ROR1: variants seen among roughly 807,000 people sequenced by gnomAD.
ROR1 encodes the protein ROR family WNT receptor 1.
Under a neutral mutation model 78.8 loss-of-function variants are expected in ROR1, and 19 were observed. The observed-to-expected ratio is 0.24, with a 90% CI of 0.17 to 0.35. The LOEUF (loss-of-function observed/expected upper bound fraction) is 0.35, where lower values mean the gene tolerates loss of function less well. ROR1 is among the 10% of genes least tolerant of loss of function. ROR1 has a pLI of 1.00. For synonymous variants in ROR1, 386 were observed against 433.6 expected (o/e 0.89, Z 1.36); for missense variants, 917 against 1,177.8 (o/e 0.78, Z 3.24).
At chr1:63,806,029 T>A (rs903680268) in intron 1 of ROR1, among the ~76,000 whole-genome samples, 2 of 152,158 alleles carry the variant, frequency 1.3e-5, no homozygotes, top group African/African-American at 2.4e-5. Context: ...AAAAAATAAA[T>A]AAAAATGCTC....
chr1:64,137,205 A>T (rs182339636), intron 4 of ROR1, among the ~76,000 whole-genome samples, 164 bp from the exon 5 acceptor site: 4 of 152,322 alleles, frequency 2.6e-5, no homozygotes, highest in Admixed American at 2.6e-4. Context: ...TGACCAACAG[A>T]TGTTTTAAGA....
At position 63,920,506 on chromosome 1, in the gene ROR1, C is replaced by T. The variant is rs141687847; in HGVS notation, c.92-88799C>T. Among the ~76,000 whole-genome samples the T allele has an allele frequency of 2.4e-3, 363 of 152,262 alleles. 1 individual carries two copies. The highest frequency in any genetic ancestry group is 8.2e-3 in the African/African-American group (342 of 41,548). On this transcript the variant is annotated intron_variant, in intron 1 of 8. Coordinates refer to ENST00000371079, the MANE Select transcript of ROR1 (RefSeq NM_005012.4). ...TTTGAAACAGAAGTGTCTGTCTGACCGGATTCAGGAGGCCTGTCCATCACG... is the reference window on the plus strand; with the variant it reads ...TTTGAAACAGAAGTGTCTGTCTGACTGGATTCAGGAGGCCTGTCCATCACG...
chr1:63,906,729 C>T (rs1354293724), intron 1 of ROR1, among the ~76,000 whole-genome samples: 1 of 152,196 alleles, frequency 6.6e-6, no homozygotes, highest in East Asian at 1.9e-4. Flanking sequence ...TCAAACAATG[C>T]TTTTTACAGA....
At position 63,964,886 on chromosome 1, in the gene ROR1, T is replaced by C. The variant is rs144769919; in HGVS notation, c.92-44419T>C. On this transcript the variant is annotated intron_variant, in intron 1 of 8. Coordinates refer to ENST00000371079, the MANE Select transcript of ROR1 (RefSeq NM_005012.4). ...GAAGCTTCAGCAACTTTTTGAGAAC[T>C]GAGGATGAGTTTCTAAGCTGGGCCT... is the stretch of plus-strand genomic sequence containing the variant. 5.5e-3 allele frequency among the ~76,000 whole-genome samples: 841 copies of C among 152,336 alleles called. 11 individuals carry two copies. The highest frequency in any genetic ancestry group is 6.8e-3 in the Middle Eastern group (2 of 294).
chr1:63,852,091 G>A (rs1470134755), intron 1 of ROR1, among the ~76,000 whole-genome samples: 2 of 152,198 alleles, frequency 1.3e-5, no homozygotes, highest in Admixed American at 6.5e-5. Context: ...TAATCATAAT[G>A]CCTACAATAT....
intron 1 of ROR1, among the ~76,000 whole-genome samples, chr1:63,959,335 G>T (rs1433676236): frequency 6.6e-6 from 1 of 152,070 alleles, no homozygotes; most frequent in Non-Finnish European, 1.5e-5. Context: ...ATTTGGGTGG[G>T]GACACAGCCA....
At chr1:64,177,316 A>G in intron 8 of ROR1, 112 bp from the exon 9 acceptor site, 2 of 801,358 alleles carry the variant, frequency 2.5e-6, no homozygotes, top group Non-Finnish European at 4.1e-6. Context: ...ACAATATTTT[A>G]TTGAATTTGT....
Position 63,774,443 on chromosome 1 carries a change from C to G in ROR1, c.26C>G (p.Thr9Arg). 9.4e-6 allele frequency: 11 copies of G among 1,175,276 alleles called. No individual in the cohort carries two copies. Among genetic ancestry groups the G allele is most frequent in the Middle Eastern group, 3.5e-4 (1 of 2,850 alleles). 72.8% of individuals were successfully genotyped at this position (1,175,276 alleles called of 1,614,324 possible). ...ATGCACCGGCCGCGCCGCCGCGGGACGCGCCCGCCGCTCCTGGCGCTGCTG... is the reference window on the plus strand; with the variant it reads ...ATGCACCGGCCGCGCCGCCGCGGGAGGCGCCCGCCGCTCCTGGCGCTGCTG... The part of the protein sequence containing the change: MHRPRRRG[T>R]RPPLLALLAA... The change falls in exon 1 of 9, where the codon ACG (threonine) becomes AGG (arginine). Residue 9 changes from threonine to arginine, a missense_variant. Thr to Arg is a moderately conservative substitution (Grantham distance 71, BLOSUM62 -1). Coordinates refer to ENST00000371079, the MANE Select transcript of ROR1 (RefSeq NM_005012.4). The surrounding 1 kb of genome is among the most constrained non-coding windows in gnomAD (Gnocchi z 5.7).
At chr1:63,984,402 T>C (rs2100512973) in intron 1 of ROR1, among the ~76,000 whole-genome samples, 1 of 152,292 alleles carries the variant, frequency 6.6e-6, no homozygotes, top group Non-Finnish European at 1.5e-5. Flanking sequence ...GCCATTCACA[T>C]TTAAAGCTTG....
chr1:63,940,490 T>TAGACAGACAGACAGACAGAC (rs67116114), intron 1 of ROR1, among the ~76,000 whole-genome samples: 2 of 91,488 alleles, frequency 2.2e-5, no homozygotes, highest in African/African-American at 6.8e-5. Flanking sequence ...GACAGATAGA[T>TAGACAGACAGACAGACAGAC]AGACAGACAG....
chr1:64,064,826 C>T (rs1646944064), intron 4 of ROR1, among the ~76,000 whole-genome samples: 6 of 152,150 alleles, frequency 3.9e-5, no homozygotes, highest in Admixed American at 3.9e-4. Flanking sequence ...TAAAAAGGAA[C>T]AAGAATAAGC....
At chr1:63,792,098 G>C (rs1052517072) in intron 1 of ROR1, among the ~76,000 whole-genome samples, 2 of 152,126 alleles carry the variant, frequency 1.3e-5, no homozygotes, top group African/African-American at 4.8e-5. Flanking sequence ...GGGTGCTGTC[G>C]CATGGGGCAG....
At chr1:63,818,334 C>G (rs1041091939) in intron 1 of ROR1, among the ~76,000 whole-genome samples, 1 of 152,280 alleles carries the variant, frequency 6.6e-6, no homozygotes, top group South Asian at 2.1e-4. Flanking sequence ...AGTGTTGGCT[C>G]TTTGGTAGAA....
chr1:63,825,819 T>C (rs1644949676), intron 1 of ROR1, among the ~76,000 whole-genome samples: 1 of 152,202 alleles, frequency 6.6e-6, no homozygotes, highest in African/African-American at 2.4e-5. Context: ...AAATCCATAT[T>C]CAGTAGGTTC....
At chr1:63,963,144 G>A (rs1646045602) in intron 1 of ROR1, among the ~76,000 whole-genome samples, 1 of 152,090 alleles carries the variant, frequency 6.6e-6, no homozygotes, top group Non-Finnish European at 1.5e-5. Context: ...TACCTAGTAA[G>A]GTTTGAACTT....
intron 1 of ROR1, 114 bp from the exon 2 acceptor site, chr1:64,009,191 T>C: frequency 1.3e-6 from 1 of 788,802 alleles, no homozygotes; most frequent in Non-Finnish European, 2.2e-6. Context: ...ATTGCCGTGG[T>C]CTCTCTCCAA....
chr1:64,151,882 C>CAAA (rs36006598), intron 7 of ROR1, among the ~76,000 whole-genome samples: 2,979 of 141,106 alleles, frequency 0.021, 108 homozygotes, highest in African/African-American at 0.071. Context: ...CACTCCGTCT[C>CAAA]AAAAAAAAAA....
At chr1:63,896,598 A>T (rs1417218767) in intron 1 of ROR1, among the ~76,000 whole-genome samples, 1 of 152,170 alleles carries the variant, frequency 6.6e-6, no homozygotes, top group Non-Finnish European at 1.5e-5. Flanking sequence ...TCACAGTAAG[A>T]TGGTGATATT....
intron 7 of ROR1, among the ~76,000 whole-genome samples, chr1:64,155,830 C>G (rs1016258472): frequency 2.0e-4 from 30 of 152,130 alleles, no homozygotes; most frequent in Admixed American, 1.0e-3. Context: ...ACTTTACCCC[C>G]CTAGGGTACT....
Sources: gnomAD v4.1 joint callset for allele counts (sites outside exome capture counted in the v4.1 genomes callset) on GRCh38, gnomAD v4.1.1 for gene constraint, Gnocchi (gnomAD v3.1) non-coding constraint, MANE v1.5 for transcripts, NCBI Gene and HGNC (gene_info 2026-07-23, HGNC 2026-07-21) for gene names.